RNF19B: variants seen among roughly 807,000 people sequenced by gnomAD.
The protein encoded by RNF19B is E3 ubiquitin-protein ligase RNF19B.
In RNF19B, 23 loss-of-function variants were observed where a neutral mutation model predicts 65.5. The observed-to-expected ratio is 0.35, with a 90% CI of 0.25 to 0.50. The LOEUF is 0.50. Ranked by LOEUF, RNF19B falls within the 20% of genes least tolerant of loss-of-function variation. RNF19B has a pLI of 0.98. For synonymous variants in RNF19B, 372 were observed against 379.6 expected, an observed-to-expected ratio of 0.98 and a Z score of 0.23; for missense variants, 794 against 980.0, an observed-to-expected ratio of 0.81 and a Z score of 2.53.
At chr1:32,955,859 C>G (rs1321246593) in intron 1 of RNF19B, among the ~76,000 whole-genome samples, 2 of 152,180 alleles carry the variant, frequency 1.3e-5, no homozygotes, top group Admixed American at 6.6e-5. Flanking sequence ...TCCTACTCTG[C>G]TCTTTTAGCT....
At chr1:32,940,553 T>C (rs1642208832) in intron 7 of RNF19B, among the ~76,000 whole-genome samples, 1 of 152,230 alleles carries the variant, frequency 6.6e-6, no homozygotes, top group Non-Finnish European at 1.5e-5. Flanking sequence ...TTCTCTATAC[T>C]GAACCAAAAT....
chr1:32,934,391 A>C (rs538664849), downstream of RNF19B, among the ~76,000 whole-genome samples: 3 of 152,306 alleles, frequency 2.0e-5, no homozygotes, highest in East Asian at 3.9e-4. Flanking sequence ...CTTTAAATGC[A>C]ATCTGAGGGC....
intron 4 of RNF19B, among the ~76,000 whole-genome samples, 158 bp from the exon 5 acceptor site, chr1:32,945,786 ACC>A (rs1642352828): frequency 1.3e-5 from 2 of 152,192 alleles, no homozygotes; most frequent in Admixed American, 6.5e-5. Flanking sequence ...CCTAACTCAG[ACC>A]TGGAAGATAT....
downstream of RNF19B, among the ~76,000 whole-genome samples, chr1:32,933,474 C>T (rs1253900070): frequency 1.3e-5 from 2 of 152,044 alleles, no homozygotes; most frequent in African/African-American, 4.8e-5. Flanking sequence ...CCAGGATGGT[C>T]TCGATCTCCC....
In RNF19B at chr1:32,964,625, C is replaced by CG; in HGVS notation, c.60dup (p.Asp21ArgfsTer3). On this transcript the variant is annotated frameshift_variant, in exon 1 of 9. Transcript: ENST00000235150. LOFTEE classifies it high-confidence loss of function. This position sits in a 1 kb window ranked among gnomAD's most constrained non-coding sequence, Gnocchi z 6.5. ...CGGCCGCCGCTGCGGCACTTAGGGTCGGGTGCGGCCGCATGTAGCGATGTG... is the reference window on the plus strand; with the variant it reads ...CGGCCGCCGCTGCGGCACTTAGGGTCGGGGTGCGGCCGCATGTAGCGATGTG... The CG allele has an allele frequency of 6.8e-7, 1 of 1,471,386 alleles. No homozygotes were observed. The highest frequency in any genetic ancestry group is 9.0e-7 in the Non-Finnish European group (1 of 1,115,244). 91.1% of individuals were successfully genotyped at this position (1,471,386 alleles called of 1,614,324 possible).
chr1:32,948,192 C>G, intron 3 of RNF19B, 30 bp downstream of exon 3: 1 of 1,608,914 alleles, frequency 6.2e-7, no homozygotes, highest in African/African-American at 1.3e-5. Flanking sequence ...AATGAGACTA[C>G]GAAAGGAATG....
chr1:32,963,631 T>A (rs542168784), intron 1 of RNF19B, among the ~76,000 whole-genome samples: 1 of 150,246 alleles, frequency 6.7e-6, no homozygotes, highest in African/African-American at 2.5e-5. Context: ...GGCAGGAGAA[T>A]CGCTTGAACC....
At chr1:32,938,942 G>C (rs573118776) in intron 7 of RNF19B, among the ~76,000 whole-genome samples, 142 of 152,266 alleles carry the variant, frequency 9.3e-4, no homozygotes, top group African/African-American at 3.2e-3. Context: ...GAAGCTCTCT[G>C]TCCAGTTCTA....
chr1:32,960,961 CG>C, intron 1 of RNF19B, among the ~76,000 whole-genome samples: 1 of 152,020 alleles, frequency 6.6e-6, no homozygotes, highest in South Asian at 2.1e-4. Flanking sequence ...TGCAGTGAGC[CG>C]TGATTGCACC....
intron 1 of RNF19B, among the ~76,000 whole-genome samples, chr1:32,951,240 T>C (rs1642490383): frequency 6.6e-6 from 1 of 152,198 alleles, no homozygotes; most frequent in South Asian, 2.1e-4. Context: ...TTTTAAAAAA[T>C]CCAGGTTTGT....
intron 1 of RNF19B, among the ~76,000 whole-genome samples, chr1:32,958,981 G>T (rs968369388): frequency 2.6e-5 from 4 of 152,090 alleles, no homozygotes; most frequent in African/African-American, 9.7e-5. Context: ...AAAAGTTGTG[G>T]AACAGGAGGT....
At chr1:32,953,772 A>G (rs1417903507) in intron 1 of RNF19B, among the ~76,000 whole-genome samples, 1 of 152,054 alleles carries the variant, frequency 6.6e-6, no homozygotes, top group East Asian at 1.9e-4. Flanking sequence ...ACCTCAGAAA[A>G]GCACTAAGTC....
chr1:32,961,650 A>T (rs1299015055), intron 1 of RNF19B, among the ~76,000 whole-genome samples: 1 of 152,150 alleles, frequency 6.6e-6, no homozygotes, highest in Non-Finnish European at 1.5e-5. Context: ...TACATTGTTT[A>T]TATATATAAC....
In RNF19B at chr1:32,945,804, A is replaced by AT. The variant is rs773921815; in HGVS notation, c.1147-177_1147-176insA. The stretch of plus-strand genomic sequence containing the variant: ...AACTCAGACCTGGAAGATATAAAGT[A>AT]ATACAGGCAAAGTTAATCCAAAAAG... On this transcript the variant is annotated intron_variant, in intron 4 of 8. Coordinates refer to ENST00000235150, the MANE Select transcript of RNF19B (RefSeq NM_001300826.2). Among the ~76,000 whole-genome samples, 22 of 152,342 alleles carry AT rather than the reference A, an allele frequency of 1.4e-4. No homozygotes were observed. The South Asian group carries it at 2.1e-3, about 14-fold the overall frequency.
At chr1:32,947,755 T>G (rs780711266) in intron 3 of RNF19B, among the ~76,000 whole-genome samples, 2 of 151,986 alleles carry the variant, frequency 1.3e-5, no homozygotes, top group Non-Finnish European at 2.9e-5. Flanking sequence ...CTCAAGATAC[T>G]TACAGTTTAG....
chr1:32,939,190 T>C (rs965740286), intron 7 of RNF19B, among the ~76,000 whole-genome samples: 1 of 151,984 alleles, frequency 6.6e-6, no homozygotes, highest in African/African-American at 2.4e-5. Flanking sequence ...CCTACTTATT[T>C]ATTATTATTT....
intron 7 of RNF19B, among the ~76,000 whole-genome samples, chr1:32,939,773 C>T (rs1262343453): frequency 1.3e-5 from 2 of 152,200 alleles, no homozygotes; most frequent in Non-Finnish European, 2.9e-5. Context: ...CAGTCAAACC[C>T]ATCTGACTCA....
At chr1:32,960,730 G>A (rs1570126411) in intron 1 of RNF19B, among the ~76,000 whole-genome samples, 1 of 152,032 alleles carries the variant, frequency 6.6e-6, no homozygotes, top group Admixed American at 6.6e-5. Flanking sequence ...GCATTAAAAA[G>A]AGGCAGCAAT....
intron 1 of RNF19B, among the ~76,000 whole-genome samples, chr1:32,962,000 T>G (rs189462145): frequency 1.3e-5 from 2 of 151,754 alleles, no homozygotes; most frequent in African/African-American, 4.8e-5. Context: ...TGAGACAGAA[T>G]CTCGCTCTGT....
Sources: gnomAD v4.1 joint callset for allele counts (sites outside exome capture counted in the v4.1 genomes callset) on GRCh38, gnomAD v4.1.1 for gene constraint, Gnocchi (gnomAD v3.1) non-coding constraint, MANE v1.5 for transcripts, NCBI Gene and HGNC (gene_info 2026-07-23, HGNC 2026-07-21) for gene names.